DGCR2: variants seen among roughly 807,000 people sequenced by gnomAD.
DGCR2 encodes the protein integral membrane protein DGCR2/IDD.
Under a neutral mutation model 51.6 loss-of-function variants are expected in DGCR2, and 24 were observed. The ratio of observed to expected loss-of-function variants is 0.47; its 90% CI spans 0.34 to 0.65. DGCR2 has a LOEUF of 0.65. Among genes scored for constraint, DGCR2 ranks in the 30% least tolerant of loss-of-function variants. DGCR2 has a pLI of 0.01. For missense variants in DGCR2, 765 were observed against 772.1 expected (o/e 0.99, Z 0.11); for synonymous variants, 340 against 315.4 (o/e 1.08, Z -0.82).
intron 4 of DGCR2, among the ~76,000 whole-genome samples, chr22:19,064,529 A>G (rs1171480481): frequency 1.3e-5 from 2 of 152,034 alleles, no homozygotes; most frequent in Non-Finnish European, 2.9e-5. Flanking sequence ...TTCTCCCCAC[A>G]CAAGCCAGCA....
intron 1 of DGCR2, among the ~76,000 whole-genome samples, chr22:19,115,805 T>C (rs1207435277): frequency 6.6e-6 from 1 of 152,194 alleles, no homozygotes; most frequent in Non-Finnish European, 1.5e-5. Context: ...GAGCACTCTC[T>C]GTGTGGCAGA....
At chr22:19,108,663 T>C (rs943198047) in intron 1 of DGCR2, among the ~76,000 whole-genome samples, 7 of 145,538 alleles carry the variant, frequency 4.8e-5, no homozygotes, top group African/African-American at 7.6e-5. Flanking sequence ...CCTACACAAA[T>C]GTAGTCAATG....
intron 1 of DGCR2, among the ~76,000 whole-genome samples, chr22:19,099,033 C>A (rs1225959233): frequency 6.6e-6 from 1 of 152,176 alleles, no homozygotes; most frequent in Non-Finnish European, 1.5e-5. Flanking sequence ...GTCAGAAGTT[C>A]TCCAATAGGG....
intron 8 of DGCR2, chr22:19,041,566 G>A (rs1184675554): frequency 1.8e-5 from 11 of 595,028 alleles, no homozygotes; most frequent in Non-Finnish European, 3.3e-5. Context: ...CAGCTGGAAG[G>A]GTGATCCGGG....
intron 2 of DGCR2, among the ~76,000 whole-genome samples, chr22:19,085,105 G>C (rs1205159041): frequency 1.5e-5 from 2 of 137,594 alleles, no homozygotes; most frequent in South Asian, 4.5e-4. Flanking sequence ...TCCTGCCTTG[G>C]AAAAAAAAAA....
chr22:19,113,364 G>A (rs111960061), intron 1 of DGCR2, among the ~76,000 whole-genome samples: 122 of 144,614 alleles, frequency 8.4e-4, no homozygotes, highest in African/African-American at 3.1e-3. Context: ...GCGAGACTCC[G>A]TCTCAAAAAA....
At chr22:19,114,691 T>C (rs2083355219) in intron 1 of DGCR2, among the ~76,000 whole-genome samples, 1 of 152,240 alleles carries the variant, frequency 6.6e-6, no homozygotes, top group Non-Finnish European at 1.5e-5. Context: ...GTTGACCTTC[T>C]GGGTCCCTCT....
At chr22:19,047,896 A>G (rs929784045) in intron 7 of DGCR2, 1 of 160,430 alleles carries the variant, frequency 6.2e-6, no homozygotes, top group African/African-American at 2.4e-5. Context: ...ATGTGGACAT[A>G]AATTAGAAGT....
intron 1 of DGCR2, among the ~76,000 whole-genome samples, chr22:19,119,671 G>A (rs1028641831): frequency 6.7e-6 from 1 of 149,562 alleles, no homozygotes; most frequent in Non-Finnish European, 1.5e-5. Context: ...AGGAGGTGGA[G>A]GTTGCAGTGG....
intron 9 of DGCR2, among the ~76,000 whole-genome samples, chr22:19,039,418 G>C (rs1177648319): frequency 6.6e-6 from 1 of 152,194 alleles, no homozygotes; most frequent in East Asian, 1.9e-4. Flanking sequence ...AGGTAGGGGA[G>C]ACACACTGAC....
intron 1 of DGCR2, among the ~76,000 whole-genome samples, chr22:19,117,942 G>C (rs1191779020): frequency 6.6e-6 from 1 of 152,176 alleles, no homozygotes; most frequent in East Asian, 1.9e-4. Context: ...TCCAAACTCA[G>C]GAGGATTTGG....
At chr22:19,118,348 G>A (rs2083394384) in intron 1 of DGCR2, among the ~76,000 whole-genome samples, 1 of 141,470 alleles carries the variant, frequency 7.1e-6, no homozygotes, top group Admixed American at 7.3e-5. Flanking sequence ...TCCAGCCTGG[G>A]TGACAGACAG....
Position 19,038,926 on chromosome 22 carries a change from G to C in DGCR2, c.1592C>G (p.Ala531Gly), listed in dbSNP as rs892461700. 4.3e-6 allele frequency: 7 copies of C among 1,612,650 alleles called. No individual in the cohort carries two copies. Among genetic ancestry groups the C allele is most frequent in the Non-Finnish European group, 5.9e-6 (7 of 1,179,880 alleles). Residue 531 changes from alanine to glycine, a missense_variant, in exon 10 of 10, where the codon GCT becomes GGT. This residue lies in a region of DGCR2 where 205 missense variants were observed against 181.4 expected (regional missense o/e 1.13). Coordinates refer to ENST00000263196, the MANE Select transcript of DGCR2 (RefSeq NM_005137.3). ...GCCACCCCCTGGCAGTGCCTCTGCAGCTGGGGTGCTCCCGCTCTGGGCAGG... is the reference window on the plus strand; with the variant it reads ...GCCACCCCCTGGCAGTGCCTCTGCACCTGGGGTGCTCCCGCTCTGGGCAGG... ...PDPAQSGSTP[A>G]AEALPGGGRH...
intron 1 of DGCR2, among the ~76,000 whole-genome samples, chr22:19,100,277 G>C (rs2083187184): frequency 6.6e-6 from 1 of 151,262 alleles, no homozygotes; most frequent in Non-Finnish European, 1.5e-5. Flanking sequence ...TCAAAAAAAA[G>C]AAAAAGAAAG....
chr22:19,075,029 T>C (rs887912438), intron 2 of DGCR2, among the ~76,000 whole-genome samples: 1 of 151,574 alleles, frequency 6.6e-6, no homozygotes, highest in African/African-American at 2.4e-5. Context: ...TTTTCTTATA[T>C]AACTTCTTTG....
At chr22:19,065,640 G>T (rs2082739823) in intron 3 of DGCR2, 1 of 157,678 alleles carries the variant, frequency 6.3e-6, no homozygotes, top group Non-Finnish European at 1.4e-5. Flanking sequence ...GCAAAGCTAA[G>T]GAGCCAGCCA....
intron 2 of DGCR2, among the ~76,000 whole-genome samples, chr22:19,073,512 T>A (rs1451997074): frequency 2.0e-5 from 3 of 152,140 alleles, no homozygotes; most frequent in Non-Finnish European, 4.4e-5. Context: ...CTGTAAGGCA[T>A]GAGTCTAAGA....
intron 1 of DGCR2, among the ~76,000 whole-genome samples, chr22:19,107,507 A>ACC (rs553640120): frequency 1.3e-5 from 2 of 152,310 alleles, no homozygotes; most frequent in South Asian, 4.1e-4. Flanking sequence ...TGTCCAACCA[A>ACC]AACACTGGCT....
At position 19,041,985 on chromosome 22, in the gene DGCR2, G is replaced by C. The variant is rs140091923; in HGVS notation, c.1007-26C>G. On this transcript the variant is annotated intron_variant, in intron 7 of 9. Transcript: ENST00000263196. ...CTGAGGGGGAGGGGAGGAAATGGCC[G>C]CTCTGAGAAGGGGGCCACCCTCGTG... is the stretch of plus-strand genomic sequence containing the variant. 2,981 of 1,605,068 alleles carry C rather than the reference G, an allele frequency of 1.9e-3. 7 individuals are homozygous for C. The highest frequency in any genetic ancestry group is 2.5e-3 in the Middle Eastern group (13 of 5,262).
Sources: allele counts gnomAD v4.1 joint callset (sites outside exome capture counted in the v4.1 genomes callset), GRCh38; gene constraint gnomAD v4.1.1; regional missense constraint gnomAD v4.1.1; transcripts MANE v1.5; gene names NCBI Gene and HGNC (gene_info 2026-07-23, HGNC 2026-07-21).